ROBO2: variants seen among roughly 807,000 people sequenced by gnomAD.
ROBO2 encodes roundabout guidance receptor 2.
In ROBO2, 53 loss-of-function variants were observed where a neutral mutation model predicts 160.8. The ratio of observed to expected loss-of-function variants is 0.33; its 90% CI spans 0.26 to 0.41. The LOEUF is 0.41. Among genes scored for constraint, ROBO2 ranks in the 10% least tolerant of loss-of-function variants. The pLI is 1.00. For synonymous variants in ROBO2, 664 were observed against 611.7 expected, an observed-to-expected ratio of 1.09 and a Z score of -1.26; for missense variants, 1,577 against 1,722.4, an observed-to-expected ratio of 0.92 and a Z score of 1.49.
chr3:77,566,869 T>C (rs530261085), intron 12 of ROBO2, among the ~76,000 whole-genome samples: 1 of 152,222 alleles, frequency 6.6e-6, no homozygotes, highest in South Asian at 2.1e-4. Flanking sequence ...CTGCAAAGCA[T>C]TTCTTTTTCA....
chr3:77,434,216 T>C (rs2079068267), intron 2 of ROBO2, among the ~76,000 whole-genome samples: 1 of 152,106 alleles, frequency 6.6e-6, no homozygotes, highest in Non-Finnish European at 1.5e-5. Flanking sequence ...ATTGCTTCCT[T>C]ATCCTTAGCC....
At chr3:76,300,507 C>T (rs1236096586) in intron 2 of ROBO2, among the ~76,000 whole-genome samples, 1 of 151,904 alleles carries the variant, frequency 6.6e-6, no homozygotes, top group Non-Finnish European at 1.5e-5. Context: ...TTATATCACT[C>T]ATCGTCTGGT....
At chr3:77,466,228 A>C (rs1375328733) in intron 2 of ROBO2, among the ~76,000 whole-genome samples, 7 of 152,286 alleles carry the variant, frequency 4.6e-5, no homozygotes, top group Admixed American at 3.3e-4. Flanking sequence ...AGAATATAGG[A>C]TGTCAAATTG....
At chr3:77,423,467 C>A (rs1300512898) in intron 2 of ROBO2, among the ~76,000 whole-genome samples, 2 of 152,046 alleles carry the variant, frequency 1.3e-5, no homozygotes, top group Non-Finnish European at 2.9e-5. Flanking sequence ...TATGAAATTG[C>A]CAGTTTTCAA....
intron 20 of ROBO2, among the ~76,000 whole-genome samples, chr3:77,604,925 G>A (rs1235572476): frequency 6.6e-6 from 1 of 151,720 alleles, no homozygotes; most frequent in African/African-American, 2.4e-5. Flanking sequence ...TATAAGTTCT[G>A]AGCACTTCCA....
At chr3:77,270,949 A>ATT in intron 2 of ROBO2, among the ~76,000 whole-genome samples, 2 of 151,986 alleles carry the variant, frequency 1.3e-5, no homozygotes, top group African/African-American at 2.4e-5. Flanking sequence ...TCTTTTTAAA[A>ATT]AAAAAAAAAA....
At position 76,301,391 on chromosome 3, in the gene ROBO2, C is replaced by CA. The variant is rs560901879; in HGVS notation, c.109+363797dup. 5.4e-3 allele frequency among the ~76,000 whole-genome samples: 813 copies of CA among 151,634 alleles called. 13 individuals carry two copies. Among genetic ancestry groups the CA allele is most frequent in the African/African-American group, 0.019 (767 of 41,398 alleles). On this transcript the variant is annotated intron_variant, in intron 2 of 26. Transcript: ENST00000487694. ...GCAGTTGAGATGAAGAATAGGCTTT[C>CA]AAAAAAAACTGAGAATTATATAACT... is the stretch of plus-strand genomic sequence containing the variant.
At chr3:76,528,492 G>A (rs1294841739) in intron 2 of ROBO2, among the ~76,000 whole-genome samples, 5 of 152,090 alleles carry the variant, frequency 3.3e-5, no homozygotes, top group Non-Finnish European at 7.4e-5. Context: ...ATGTCTCCAA[G>A]TGGTTTGCCT....
intron 2 of ROBO2, among the ~76,000 whole-genome samples, chr3:75,954,585 A>G (rs1948662281): frequency 6.6e-6 from 1 of 151,942 alleles, no homozygotes; most frequent in Non-Finnish European, 1.5e-5. Context: ...ACAGTCTTAC[A>G]TCACATCACA....
intron 1 of ROBO2, among the ~76,000 whole-genome samples, chr3:77,058,565 G>T (rs748380927): frequency 6.6e-6 from 1 of 151,960 alleles, no homozygotes; most frequent in Non-Finnish European, 1.5e-5. Flanking sequence ...AGGGTCTCAC[G>T]CCTCTCACCT....
At chr3:77,288,512 G>A (rs1202779687) in intron 2 of ROBO2, among the ~76,000 whole-genome samples, 1 of 152,172 alleles carries the variant, frequency 6.6e-6, no homozygotes, top group African/African-American at 2.4e-5. Flanking sequence ...CCTTCATGAT[G>A]GCTGTGCTTA....
intron 2 of ROBO2, among the ~76,000 whole-genome samples, chr3:75,939,243 A>G (rs76337443): frequency 6.6e-6 from 1 of 152,138 alleles, no homozygotes; most frequent in Non-Finnish European, 1.5e-5. Flanking sequence ...CCAACATGAC[A>G]TGTAGTATCA....
intron 2 of ROBO2, among the ~76,000 whole-genome samples, chr3:76,134,867 C>CA (rs200188054): frequency 5.4e-4 from 81 of 149,958 alleles, no homozygotes; most frequent in East Asian, 2.1e-3. Flanking sequence ...CTAAACCTCA[C>CA]AAAAAAAAAT....
chr3:77,528,890 C>A (rs1379758127), intron 6 of ROBO2, among the ~76,000 whole-genome samples: 1 of 151,354 alleles, frequency 6.6e-6, no homozygotes, highest in East Asian at 1.9e-4. Flanking sequence ...AATTTTTAAG[C>A]CTTATTTTCT....
intron 2 of ROBO2, among the ~76,000 whole-genome samples, chr3:77,357,220 G>A (rs2069257382): frequency 6.6e-6 from 1 of 152,162 alleles, no homozygotes; most frequent in African/African-American, 2.4e-5. Flanking sequence ...ATGCAACAGT[G>A]TTGAGAGGTA....
At chr3:76,229,494 T>C (rs1231582988) in intron 2 of ROBO2, among the ~76,000 whole-genome samples, 3 of 152,128 alleles carry the variant, frequency 2.0e-5, no homozygotes, top group Non-Finnish European at 4.4e-5. Flanking sequence ...AATATATTTG[T>C]ATTAAGTTTC....
chr3:76,853,614 G>C (rs1015403488), intron 2 of ROBO2, among the ~76,000 whole-genome samples: 4 of 152,104 alleles, frequency 2.6e-5, no homozygotes, highest in Non-Finnish European at 2.9e-5. Flanking sequence ...AATATAAAAA[G>C]TGTGGCATTG....
intron 2 of ROBO2, among the ~76,000 whole-genome samples, chr3:76,265,121 ACGCAGGCTGAAGCCTGGAGGCACGTGAGT>A (rs1332876640): frequency 2.0e-5 from 3 of 152,046 alleles, no homozygotes; most frequent in Admixed American, 2.0e-4. Flanking sequence ...CTCATCTCCC[ACGCAGGCTGAAGCCTGGAGGCACGTGAGT>A]CCCTGGGTCC....
intron 2 of ROBO2, among the ~76,000 whole-genome samples, chr3:76,893,525 TTTTTC>T (rs1367294798): frequency 1.3e-5 from 2 of 151,436 alleles, no homozygotes; most frequent in Admixed American, 6.6e-5. Context: ...TCATTTTTCT[TTTTTC>T]TTTTTTATTG....
Sources: allele counts gnomAD v4.1 joint callset (sites outside exome capture counted in the v4.1 genomes callset), GRCh38; gene constraint gnomAD v4.1.1; transcripts MANE v1.5; gene names NCBI Gene and HGNC (gene_info 2026-07-23, HGNC 2026-07-21).